The following SLIRP variants were observed in gnomAD, a reference collection of about 807,000 sequenced individuals.
SLIRP encodes SRA stem-loop-interacting RNA-binding protein, mitochondrial.
SLIRP carries 12 observed loss-of-function variants against 13.4 expected under a neutral mutation model. That is an observed-to-expected ratio of 0.89 (90% CI 0.57 to 1.45). The LOEUF is 1.45. Among genes scored for constraint, SLIRP ranks in the 40% most tolerant of loss-of-function variants. The pLI is 0.00. For synonymous variants in SLIRP, 55 were observed against 47.1 expected (o/e 1.17, Z -0.69); for missense variants, 154 against 132.2 (o/e 1.17, Z -0.81).
intron 2 of SLIRP, among the ~76,000 whole-genome samples, chr14:77,712,403 A>G (rs1369853333): frequency 1.3e-5 from 2 of 150,232 alleles, no homozygotes; most frequent in Non-Finnish European, 3.0e-5. Context: ...CCTCCTGAGT[A>G]GCTGGGACTA....
At chr14:77,710,640 C>T (rs3168952) in intron 1 of SLIRP, 198 bp from the exon 2 acceptor site, 1 of 1,525,322 alleles carries the variant, frequency 6.6e-7, no homozygotes, top group South Asian at 1.2e-5. Context: ...TCAACAACTT[C>T]TCTGTCCATC....
chr14:77,717,409 C>G, intron 3 of SLIRP, 87 bp from the exon 4 acceptor site: 1 of 1,097,890 alleles, frequency 9.1e-7, no homozygotes, highest in Admixed American at 2.1e-5. Context: ...ATTCATTATT[C>G]ATACTGACTC....
intron 3 of SLIRP, 94 bp from the exon 4 acceptor site, chr14:77,717,402 C>A: frequency 9.8e-7 from 1 of 1,017,938 alleles, no homozygotes; most frequent in Non-Finnish European, 1.5e-6. Context: ...CTGGGTTATT[C>A]ATTATTCATA....
At chr14:77,715,607 T>C (rs553632297) in intron 2 of SLIRP, among the ~76,000 whole-genome samples, 165 bp from the exon 3 acceptor site, 2 of 152,202 alleles carry the variant, frequency 1.3e-5, no homozygotes, top group South Asian at 4.1e-4. Flanking sequence ...TTCATACCAC[T>C]GCACCCCAGC....
intron 2 of SLIRP, among the ~76,000 whole-genome samples, chr14:77,712,688 C>T (rs367929372): frequency 3.5e-4 from 53 of 152,246 alleles, no homozygotes; most frequent in African/African-American, 7.5e-4. Flanking sequence ...TCAAGTGACC[C>T]GCCCGCCTGG....
chr14:77,708,380 C>G (rs552208869), intron 1 of SLIRP, among the ~76,000 whole-genome samples, 172 bp downstream of exon 1: 2 of 152,140 alleles, frequency 1.3e-5, no homozygotes, highest in Non-Finnish European at 2.9e-5. Context: ...TAGGGATGTC[C>G]CTTGAGCTTT....
intron 1 of SLIRP, 105 bp downstream of exon 1, chr14:77,708,313 A>C: frequency 8.8e-7 from 1 of 1,137,866 alleles, no homozygotes; most frequent in East Asian, 2.4e-5. Context: ...CTGAATTAGG[A>C]GACTGCTCCT....
chr14:77,710,154 ATCTTTGAAG>A (rs925781038), intron 1 of SLIRP, among the ~76,000 whole-genome samples: 1 of 152,216 alleles, frequency 6.6e-6, no homozygotes, highest in African/African-American at 2.4e-5. Flanking sequence ...TATACTCTAA[ATCTTTGAAG>A]TCTCACAGGG....
At chr14:77,715,365 T>G (rs1385925957) in intron 2 of SLIRP, among the ~76,000 whole-genome samples, 1 of 152,138 alleles carries the variant, frequency 6.6e-6, no homozygotes, top group African/African-American at 2.4e-5. Flanking sequence ...GATTTTTGGC[T>G]GGGCATGGTG....
chr14:77,716,928 A>G (rs897067751), intron 3 of SLIRP, among the ~76,000 whole-genome samples: 4 of 151,454 alleles, frequency 2.6e-5, no homozygotes, highest in African/African-American at 9.7e-5. Context: ...CGCACTGCTA[A>G]TTTTTTTTGT....
chr14:77,716,055 G>A (rs1055818004), intron 3 of SLIRP, 176 bp downstream of exon 3: 92 of 538,152 alleles, frequency 1.7e-4, no homozygotes, highest in Non-Finnish European at 1.4e-4. Context: ...GGTGGCTCAC[G>A]CCTGTAATCC....
At chr14:77,716,119 A>G (rs998063551) in intron 3 of SLIRP, 1 of 325,606 alleles carries the variant, frequency 3.1e-6, no homozygotes, top group Admixed American at 4.6e-5. Context: ...GATCGAGACC[A>G]TCCTGGCTAA....
intron 2 of SLIRP, among the ~76,000 whole-genome samples, chr14:77,711,376 CA>C (rs2080439354): frequency 1.3e-5 from 2 of 152,050 alleles, no homozygotes; most frequent in Admixed American, 1.3e-4. Flanking sequence ...TGTCCCCCTG[CA>C]GGGGTGCAGT....
At chr14:77,708,969 C>A (rs2080418425) in intron 1 of SLIRP, among the ~76,000 whole-genome samples, 1 of 152,136 alleles carries the variant, frequency 6.6e-6, no homozygotes, top group Non-Finnish European at 1.5e-5. Flanking sequence ...ACAACTGGGC[C>A]TCAGTTTACT....
At chr14:77,710,967 A>G in intron 2 of SLIRP, 71 bp downstream of exon 2, 1 of 1,296,174 alleles carries the variant, frequency 7.7e-7, no homozygotes, top group Non-Finnish European at 1.1e-6. Context: ...AATGAATAAG[A>G]CCTATTTGAT....
intron 2 of SLIRP, among the ~76,000 whole-genome samples, chr14:77,711,272 T>G (rs1379075362): frequency 6.7e-6 from 1 of 148,840 alleles, no homozygotes; most frequent in East Asian, 1.9e-4. Context: ...TATACCCAAA[T>G]AAATATATAC....
chr14:77,713,327 C>A (rs1174717111), intron 2 of SLIRP, among the ~76,000 whole-genome samples: 1 of 152,126 alleles, frequency 6.6e-6, no homozygotes, highest in Non-Finnish European at 1.5e-5. Flanking sequence ...GATGTGAGTA[C>A]ATAGAGTTCA....
chr14:77,717,509 C>T lies in SLIRP; in HGVS notation c.278C>T (p.Thr93Ile), dbSNP rs758043942. The T allele has an allele frequency of 6.2e-7, 1 of 1,613,952 alleles. No homozygotes were observed. The highest frequency in any genetic ancestry group is 1.3e-5 in the African/African-American group (1 of 74,914). ...IIDGVKVQVH[T>I]RRPKLPQTSD... ...TATTTTTTTAAGGTCCAGGTTCACA[C>T]TAGAAGGCCAAAACTTCCGCAAACA... is the stretch of plus-strand genomic sequence containing the variant. Residue 93 changes from threonine (T) to isoleucine (I), a missense_variant, in exon 4 of 4, where the codon ACT (threonine) becomes ATT (isoleucine). Physicochemically the swap from Thr to Ile is moderately conservative, Grantham distance 89 (BLOSUM62 -1). Transcript: ENST00000557342.
At position 77,708,178 on chromosome 14, in the gene SLIRP, G is replaced by A. The variant is rs199732122; in HGVS notation, c.67G>A (p.Val23Met). Residue 23 changes from valine to methionine, a missense_variant, in exon 1 of 4, where the codon GTG (valine) becomes ATG (methionine). By Grantham distance (21) the Val-to-Met change is conservative. Coordinates refer to ENST00000557342, the MANE Select transcript of SLIRP (RefSeq NM_031210.6). ...AAGTATCAATCAGCCGGTTGCTTTT[G>A]TGAGAAGAATTCCTTGGACTGCGGC... ...RRSINQPVAFVRRIPWTAASS... is the reference protein window; with the variant it reads ...RRSINQPVAFMRRIPWTAASS... 3 of 1,614,230 alleles carry A rather than the reference G, an allele frequency of 1.9e-6. No individual in the cohort carries two copies. The highest frequency in any genetic ancestry group is 2.5e-6 in the Non-Finnish European group (3 of 1,180,052).
Sources: gnomAD v4.1 joint callset for allele counts (sites outside exome capture counted in the v4.1 genomes callset) on GRCh38, gnomAD v4.1.1 for gene constraint, MANE v1.5 for transcripts, NCBI Gene and HGNC (gene_info 2026-07-23, HGNC 2026-07-21) for gene names.